The following DNAI3 variants were observed in gnomAD, a reference collection of about 807,000 sequenced individuals.
DNAI3 encodes the protein WD repeat domain 63.
In DNAI3, 83 loss-of-function variants were observed where a neutral mutation model predicts 115.5. The ratio of observed to expected loss-of-function variants is 0.72; its 90% confidence interval spans 0.60 to 0.86. The LOEUF (loss-of-function observed/expected upper bound fraction) is 0.86. Among genes scored for constraint, DNAI3 ranks in the 40% least tolerant of loss-of-function variants. The probability of loss-of-function intolerance (pLI) is 0.00; values close to 1 mark genes in which losing one functional copy is unlikely to be tolerated. For synonymous variants in DNAI3, 320 were observed against 347.0 expected, an observed-to-expected ratio of 0.92 and a Z score of 0.86; for missense variants, 1,004 against 1,075.8, an observed-to-expected ratio of 0.93 and a Z score of 0.93.
chr1:85,126,010 T>G (rs1187468468), intron 19 of DNAI3, among the ~76,000 whole-genome samples: 1 of 152,224 alleles, frequency 6.6e-6, no homozygotes, highest in Non-Finnish European at 1.5e-5. Context: ...TGAAGTCACT[T>G]TATATGAGAA....
intron 18 of DNAI3, among the ~76,000 whole-genome samples, chr1:85,123,221 T>A (rs983499207): frequency 1.3e-5 from 2 of 152,198 alleles, no homozygotes; most frequent in Non-Finnish European, 2.9e-5. Flanking sequence ...GAACTGCCAC[T>A]GCAGCCTCCT....
intron 5 of DNAI3, 88 bp from the exon 6 acceptor site, chr1:85,084,458 T>C: frequency 1.0e-6 from 1 of 1,000,786 alleles, no homozygotes; most frequent in Non-Finnish European, 1.3e-6. Flanking sequence ...TATATAAAAG[T>C]AAAGTTTGTT....
chr1:85,119,744 C>T (rs577525646), intron 17 of DNAI3, among the ~76,000 whole-genome samples: 2 of 152,082 alleles, frequency 1.3e-5, no homozygotes, highest in African/African-American at 4.8e-5. Context: ...GTCACCCAGG[C>T]TGGAGTGTAG....
chr1:85,064,964 C>T (rs921639459), intron 1 of DNAI3, among the ~76,000 whole-genome samples: 3 of 152,052 alleles, frequency 2.0e-5, no homozygotes, highest in South Asian at 2.1e-4. Context: ...ACCCGGGAGG[C>T]GGAGGTTGCA....
Position 85,087,331 on chromosome 1 carries a change from G to A in DNAI3, c.740+1301G>A, listed in dbSNP as rs568328526. Among the ~76,000 whole-genome samples the A allele has an allele frequency of 3.3e-5, 5 of 149,732 alleles. No homozygotes were observed. In the East Asian group the frequency reaches 1.0e-3, roughly 30 times the overall value. On this transcript the variant is annotated intron_variant, in intron 7 of 22. Coordinates refer to ENST00000294664, the MANE Select transcript of DNAI3 (RefSeq NM_145172.5). ...TGTGCCTGTAATCCCAGCTACTTGG[G>A]AGGCTGAGACAGGAGAATTGCTTGA...
At chr1:85,084,161 G>A (rs1241526875) in intron 5 of DNAI3, among the ~76,000 whole-genome samples, 2 of 88,638 alleles carry the variant, frequency 2.3e-5, no homozygotes, top group East Asian at 5.6e-4. Flanking sequence ...GCAGCAGTGT[G>A]TGTATATATA....
intron 13 of DNAI3, among the ~76,000 whole-genome samples, chr1:85,099,932 A>G (rs1655239631): frequency 6.6e-6 from 1 of 152,208 alleles, no homozygotes; most frequent in South Asian, 2.1e-4. Flanking sequence ...TAGAAAGCTG[A>G]AACTGGATCC....
At chr1:85,110,483 A>AAATAAATAAATAAATAAATT (rs60988718) in intron 16 of DNAI3, among the ~76,000 whole-genome samples, 3 of 150,250 alleles carry the variant, frequency 2.0e-5, no homozygotes, top group African/African-American at 2.4e-5. Context: ...ATAAATAAAT[A>AAATAAATAAATAAATAAATT]CATTTACTAA....
chr1:85,123,464 C>T (rs781179816), intron 18 of DNAI3, among the ~76,000 whole-genome samples: 1 of 152,180 alleles, frequency 6.6e-6, no homozygotes, highest in Admixed American at 6.5e-5. Flanking sequence ...GTGCCTTCCT[C>T]AAGTGTGTAA....
At chr1:85,118,345 A>G (rs1464091910) in intron 17 of DNAI3, among the ~76,000 whole-genome samples, 4 of 152,336 alleles carry the variant, frequency 2.6e-5, no homozygotes, top group Admixed American at 2.0e-4. Context: ...GACATTTTCT[A>G]TGTATCAGTG....
At chr1:85,077,327 A>T (rs914149865) in intron 3 of DNAI3, among the ~76,000 whole-genome samples, 2 of 152,208 alleles carry the variant, frequency 1.3e-5, no homozygotes, top group African/African-American at 4.8e-5. Flanking sequence ...TCATAGACCT[A>T]AAGGTAAAAC....
intron 7 of DNAI3, 68 bp from the exon 8 acceptor site, chr1:85,090,048 C>A: frequency 3.2e-6 from 2 of 627,310 alleles, no homozygotes; most frequent in Non-Finnish European, 5.2e-6. Flanking sequence ...CACTTTTGAC[C>A]TGTTGTGGCC....
At chr1:85,090,045 G>A (rs1654925653) in intron 7 of DNAI3, 71 bp from the exon 8 acceptor site, 5 of 601,384 alleles carry the variant, frequency 8.3e-6, no homozygotes, top group Middle Eastern at 3.0e-4. Flanking sequence ...ACACACTTTT[G>A]ACCTGTTGTG....
chr1:85,093,903 C>G (rs897416156), intron 9 of DNAI3: 2 of 592,596 alleles, frequency 3.4e-6, no homozygotes, highest in African/African-American at 3.6e-5. Context: ...GTGACTCGCC[C>G]AGGTCACCCA....
chr1:85,080,200 T>A (rs1654593614), intron 3 of DNAI3, among the ~76,000 whole-genome samples: 1 of 151,684 alleles, frequency 6.6e-6, no homozygotes, highest in Non-Finnish European at 1.5e-5. Context: ...TACAGGCGCG[T>A]GCCACCATGC....
chr1:85,073,029 T>C, intron 2 of DNAI3, 25 bp from the exon 3 acceptor site: 1 of 1,447,290 alleles, frequency 6.9e-7, no homozygotes, highest in Middle Eastern at 1.8e-4. Flanking sequence ...AAATGTAAAT[T>C]TGACTTCCTT....
In DNAI3 at chr1:85,090,277, A is replaced by G. The variant is rs753680553; in HGVS notation, c.857+45A>G. 4.8e-5 allele frequency: 52 copies of G among 1,082,024 alleles called. No homozygotes were observed. The East Asian group carries it at 8.6e-4, about 18-fold the overall frequency. The allele number at this position is 1,082,024 out of a possible 1,614,324, so 67.0% of individuals were successfully genotyped here. On this transcript the variant is annotated intron_variant, in intron 8 of 22. Transcript: ENST00000294664. ...ATTTTAAAAATAAAACATAAAATGT[A>G]TATGTTTACATAGAATAACAGGTCT...
At chr1:85,122,894 T>C (rs1656030973) in intron 18 of DNAI3, among the ~76,000 whole-genome samples, 1 of 152,122 alleles carries the variant, frequency 6.6e-6, no homozygotes. Context: ...TGCAGCCAAC[T>C]CTCAGGGAGA....
At chr1:85,130,658 TTAGATAGATGATAGA>T (rs890099453) in intron 22 of DNAI3, among the ~76,000 whole-genome samples, 3 of 147,646 alleles carry the variant, frequency 2.0e-5, no homozygotes, top group African/African-American at 7.5e-5. Context: ...AGATGATAGA[TTAGATAGATGATAGA>T]TAGATAGATA....
Sources: gnomAD v4.1 joint callset for allele counts (sites outside exome capture counted in the v4.1 genomes callset) on GRCh38, gnomAD v4.1.1 for gene constraint, MANE v1.5 for transcripts, NCBI Gene and HGNC (gene_info 2026-07-23, HGNC 2026-07-21) for gene names.